Variants in FAM32A observed in about 807,000 individuals in gnomAD.
The protein encoded by FAM32A is family with sequence similarity 32 member A.
A neutral mutation model predicts 15.8 loss-of-function variants in FAM32A; 9 were observed. That is an observed-to-expected ratio of 0.57 (90% CI 0.34 to 1.00). FAM32A has a LOEUF of 1.00. FAM32A is among the 50% of genes least tolerant of loss of function. The pLI, the probability that FAM32A is intolerant of heterozygous loss-of-function variation, is 0.02. For missense variants in FAM32A, 113 were observed against 138.3 expected (o/e 0.82, Z 0.92); for synonymous variants, 64 against 54.9 (o/e 1.16, Z -0.73).
At chr19:16,189,781 T>A (rs2091399124) in intron 2 of FAM32A, among the ~76,000 whole-genome samples, 1 of 146,184 alleles carries the variant, frequency 6.8e-6, no homozygotes, top group African/African-American at 2.5e-5. Flanking sequence ...GGTCAAGCAG[T>A]CCTCTCACCC....
rs2091407510 is a variant in FAM32A, at chr19:16,191,565, T to G, written c.*610T>G. 6.5e-6 allele frequency: 1 copy of G among 153,080 alleles called. No homozygotes were observed. Among genetic ancestry groups the G allele is most frequent in the Admixed American group, 6.5e-5 (1 of 15,378 alleles). 9.5% of individuals were successfully genotyped at this position (153,080 alleles called of 1,614,324 possible). On this transcript the variant is annotated 3_prime_UTR_variant, in exon 4 of 4. Transcript: ENST00000263384. The stretch of plus-strand genomic sequence containing the variant: ...GAATGGAACGGACACACCTTGCTCC[T>G]TTCTGAGCCCGTTTCCCAAAACCCC...
In FAM32A at chr19:16,191,426, C is replaced by T. The variant is rs1425577209; in HGVS notation, c.*471C>T. On this transcript the variant is annotated 3_prime_UTR_variant, in exon 4 of 4. Coordinates refer to ENST00000263384, the MANE Select transcript of FAM32A (RefSeq NM_014077.4). The stretch of plus-strand genomic sequence containing the variant: ...TCCTCTAGCTTTGGGCCTATGCTGT[C>T]CCCTGCAGGCCCTAGGGAAGCCACT... 1.2e-5 allele frequency: 2 copies of T among 164,310 alleles called. No homozygotes were observed. The highest frequency in any genetic ancestry group is 1.2e-4 in the Admixed American group (2 of 16,942). 10.2% of individuals were successfully genotyped at this position (164,310 alleles called of 1,614,324 possible).
intron 2 of FAM32A, among the ~76,000 whole-genome samples, chr19:16,190,072 C>T (rs2091400092): frequency 6.6e-6 from 1 of 152,094 alleles, no homozygotes; most frequent in Non-Finnish European, 1.5e-5. Flanking sequence ...TTCAGAATAA[C>T]CCTGGGGATG....
chr19:16,188,901 G>A (rs1158168749), intron 2 of FAM32A, among the ~76,000 whole-genome samples: 1 of 152,096 alleles, frequency 6.6e-6, no homozygotes, highest in Non-Finnish European at 1.5e-5. Flanking sequence ...AGCAGGGTCT[G>A]ACCTCACTTG....
At position 16,187,817 on chromosome 19, in the gene FAM32A, C is replaced by T. The variant is rs1389409192; in HGVS notation, c.216+2052C>T. On this transcript the variant is annotated intron_variant, in intron 2 of 3. Coordinates refer to ENST00000263384, the MANE Select transcript of FAM32A (RefSeq NM_014077.4). ...CTGGAGTGCATTGGTATGATCTCAG[C>T]TCACTGCAACCTCTGCCTCCTGGGT... 2.0e-5 allele frequency among the ~76,000 whole-genome samples: 3 copies of T among 151,278 alleles called. No homozygotes were observed. The Admixed American group carries it at 2.0e-4, about 10-fold the overall frequency.
Position 16,185,650 on chromosome 19 carries a change from A to C in FAM32A, c.101A>C (p.Lys34Thr). 3 of 1,596,106 alleles carry C rather than the reference A, an allele frequency of 1.9e-6. No individual in the cohort carries two copies. Among genetic ancestry groups the C allele is most frequent in the Non-Finnish European group, 2.6e-6 (3 of 1,170,680 alleles). The change falls in exon 2 of 4, where the codon AAA (lysine) becomes ACA (threonine). Residue 34 changes from lysine (K) to threonine (T), a missense_variant. Coordinates refer to ENST00000263384, the MANE Select transcript of FAM32A (RefSeq NM_014077.4). The part of the protein sequence containing the change: ...KRKKKKKDKD[K>T]AKLLEAMGTS... ...AAGAAGAAAAAGAAGGACAAAGACA[A>C]AGCGAAACTCCTGGAAGCAATGGGA...
In FAM32A at chr19:16,185,732, C is replaced by G. The variant is rs770605517; in HGVS notation, c.183C>G (p.Ala61=). The part of the protein sequence containing the change: ...KRRGLDKRTP[A]QAAFEKMQEK... Reference sequence around the variant, plus strand: ...GCGGCCTGGACAAGCGGACCCCGGCCCAGGCGGCCTTCGAGAAAATGCAGG... The same window carrying G: ...GCGGCCTGGACAAGCGGACCCCGGCGCAGGCGGCCTTCGAGAAAATGCAGG... Residue 61 remains alanine (A), a synonymous_variant, in exon 2 of 4, where the codon GCC becomes GCG. Coordinates refer to ENST00000263384, the MANE Select transcript of FAM32A (RefSeq NM_014077.4). 1.3e-6 allele frequency: 2 copies of G among 1,554,046 alleles called. No individual in the cohort carries two copies. The highest frequency in any genetic ancestry group is 1.7e-6 in the Non-Finnish European group (2 of 1,147,940).
At chr19:16,189,699 G>T (rs2091398813) in intron 2 of FAM32A, among the ~76,000 whole-genome samples, 1 of 67,874 alleles carries the variant, frequency 1.5e-5, no homozygotes, top group African/African-American at 5.1e-5. Flanking sequence ...TTTTTTGACA[G>T]GGTCTCTCTC....
rs1170463176 is a variant in FAM32A at position 16,191,103 on chromosome 19, C to T, written c.*148C>T. ...ACTGCTTTTCGAAGCTGTGTACCCTCATTCTGGAACTTGATTAAAGTAAGA... is the reference window on the plus strand; with the variant it reads ...ACTGCTTTTCGAAGCTGTGTACCCTTATTCTGGAACTTGATTAAAGTAAGA... On this transcript the variant is annotated 3_prime_UTR_variant, in exon 4 of 4. Coordinates refer to ENST00000263384, the MANE Select transcript of FAM32A (RefSeq NM_014077.4). The T allele has an allele frequency of 3.0e-6, 2 of 663,102 alleles. No individual in the cohort carries two copies. The highest frequency in any genetic ancestry group is 5.5e-6 in the Non-Finnish European group (2 of 365,674). The allele number at this position is 663,102 out of a possible 1,614,324, so 41.1% of individuals were successfully genotyped here.
Position 16,185,764 on chromosome 19 carries a change from G to T in FAM32A, c.215G>T (p.Arg72Leu), listed in dbSNP as rs752589613. Residue 72 changes from arginine (R) to leucine (L), a missense_variant and splice_region_variant, in exon 2 of 4, where the codon CGG (arginine) becomes CTG (leucine). This residue lies in a region of FAM32A where 112 missense variants were observed against 118.6 expected (regional missense o/e 0.94). Transcript: ENST00000263384. Reference sequence around the variant, plus strand: ...GCCTTCGAGAAAATGCAGGAGAAGCGGGTGAGCAGAAGCAGAAGGCGGCGG... The same window carrying T: ...GCCTTCGAGAAAATGCAGGAGAAGCTGGTGAGCAGAAGCAGAAGGCGGCGG... ...QAAFEKMQEK[R>L]QMERILKKAS... 4.5e-5 allele frequency: 70 copies of T among 1,549,444 alleles called. No homozygotes were observed. Among genetic ancestry groups the T allele is most frequent in the Non-Finnish European group, 5.7e-5 (65 of 1,146,436 alleles).
chr19:16,190,873 C>A lies in FAM32A; in HGVS notation c.271-14C>A. On this transcript the variant is annotated splice_polypyrimidine_tract_variant and intron_variant, in intron 3 of 3. Coordinates refer to ENST00000263384, the MANE Select transcript of FAM32A (RefSeq NM_014077.4). The stretch of plus-strand genomic sequence containing the variant: ...GGTCTGCGCTGACACCGGCCTTCTA[C>A]TCCACCTCCCCAGGACTTCAACAGA... 6.2e-7 allele frequency: 1 copy of A among 1,613,142 alleles called. No homozygotes were observed. The highest frequency in any genetic ancestry group is 8.5e-7 in the Non-Finnish European group (1 of 1,179,102).
In FAM32A at chr19:16,185,627, GAAGAAA is replaced by G. The variant is rs1382754035; in HGVS notation, c.84_89del (p.Lys29_Lys30del). 9 of 1,599,650 alleles carry G rather than the reference GAAGAAA, an allele frequency of 5.6e-6. No homozygotes were observed. Among genetic ancestry groups the G allele is most frequent in the Middle Eastern group, 1.6e-4 (1 of 6,080 alleles). ...GCCTCCTCATGTCTTTTTCCAGGAA[GAAGAAA>G]AAGAAGGACAAAGACAAAGCGAAAC... On this transcript the variant is annotated inframe_deletion, in exon 2 of 4. Coordinates refer to ENST00000263384, the MANE Select transcript of FAM32A (RefSeq NM_014077.4).
intron 2 of FAM32A, chr19:16,186,775 C>T (rs1369141314): frequency 1.3e-5 from 2 of 152,142 alleles, no homozygotes; most frequent in Non-Finnish European, 2.9e-5. Context: ...TAGTCTCCAC[C>T]CCCCTAAACT....
chr19:16,190,832 C>G, intron 3 of FAM32A, 55 bp from the exon 4 acceptor site: 1 of 1,461,066 alleles, frequency 6.8e-7, no homozygotes, highest in Non-Finnish European at 9.6e-7. Flanking sequence ...GCCACTTCTC[C>G]CCAGTACCCC....
intron 2 of FAM32A, chr19:16,186,773 A>AC (rs896435125): frequency 6.6e-6 from 1 of 151,832 alleles, no homozygotes; most frequent in Non-Finnish European, 1.5e-5. Context: ...GGTAGTCTCC[A>AC]CCCCCCTAAA....
In FAM32A at chr19:16,191,607, A is replaced by G. The variant is rs1260178738; in HGVS notation, c.*652A>G. 6.5e-6 allele frequency: 1 copy of G among 153,224 alleles called. No homozygotes were observed. The highest frequency in any genetic ancestry group is 1.5e-5 in the Non-Finnish European group (1 of 68,796). The allele number at this position is 153,224 out of a possible 1,614,324, so 9.5% of individuals were successfully genotyped here. Reference sequence around the variant, plus strand: ...CAAAACCCCCCTTCCAGGTGCTTCTAATGGGTGTTGCCATAGCAGACGCTG... The same window carrying G: ...CAAAACCCCCCTTCCAGGTGCTTCTGATGGGTGTTGCCATAGCAGACGCTG... On this transcript the variant is annotated 3_prime_UTR_variant, in exon 4 of 4. Transcript: ENST00000263384.
chr19:16,189,117 G>A (rs1325978899), intron 2 of FAM32A, among the ~76,000 whole-genome samples: 2 of 151,200 alleles, frequency 1.3e-5, no homozygotes, highest in Non-Finnish European at 2.9e-5. Context: ...CCACCTCCCG[G>A]GTTCAAGCTA....
At chr19:16,187,067 T>C (rs1170324735) in intron 2 of FAM32A, among the ~76,000 whole-genome samples, 1 of 152,130 alleles carries the variant, frequency 6.6e-6, no homozygotes, top group Non-Finnish European at 1.5e-5. Flanking sequence ...AATTCAGGCA[T>C]ACAGAAAACA....
At chr19:16,190,757 C>T (rs774202122) in intron 3 of FAM32A, 130 bp from the exon 4 acceptor site, 68 of 905,168 alleles carry the variant, frequency 7.5e-5, no homozygotes, top group Admixed American at 2.6e-4. Context: ...TAAGACCTGG[C>T]AGGGTGAGTT....
Sources: gnomAD v4.1 joint callset for allele counts (sites outside exome capture counted in the v4.1 genomes callset) on GRCh38, gnomAD v4.1.1 for gene constraint, gnomAD v4.1.1 regional missense constraint, MANE v1.5 for transcripts, NCBI Gene and HGNC (gene_info 2026-07-23, HGNC 2026-07-21) for gene names.